The following TMEM38A variants were observed in gnomAD, a reference collection of about 807,000 sequenced individuals.
The protein encoded by TMEM38A is trimeric intracellular cation channel type A.
TMEM38A carries 17 observed loss-of-function variants against 28.6 expected under a neutral mutation model. The ratio of observed to expected loss-of-function variants is 0.60; its 90% CI spans 0.41 to 0.89. The LOEUF (loss-of-function observed/expected upper bound fraction) is 0.89, where lower values mean the gene tolerates loss of function less well. TMEM38A is among the 40% of genes least tolerant of loss of function. TMEM38A has a pLI of 0.00. For missense variants in TMEM38A, 328 were observed against 393.1 expected (o/e 0.83, Z 1.40); for synonymous variants, 169 against 166.1 (o/e 1.02, Z -0.14).
intron 1 of TMEM38A, among the ~76,000 whole-genome samples, chr19:16,676,225 G>A (rs973239021): frequency 3.0e-5 from 4 of 134,114 alleles, no homozygotes; most frequent in South Asian, 2.1e-4. Context: ...GCGTGCTGGC[G>A]GGTGCCTGTA....
chr19:16,666,427 T>A lies in TMEM38A; in HGVS notation c.124+5086T>A, dbSNP rs191647546. Among the ~76,000 whole-genome samples the A allele has an allele frequency of 2.1e-3, 318 of 151,930 alleles. 1 individual carries two copies. The highest frequency in any genetic ancestry group is 6.8e-3 in the Middle Eastern group (2 of 294). ...CCACTGCTCTTGGCCAATTTAACTT[T>A]AAAAAAATTTTTTTTTTTCGAGACA... On this transcript the variant is annotated intron_variant, in intron 1 of 5. Transcript: ENST00000187762.
chr19:16,676,086 C>T (rs549167704), intron 1 of TMEM38A, among the ~76,000 whole-genome samples: 1 of 149,572 alleles, frequency 6.7e-6, no homozygotes, highest in East Asian at 1.9e-4. Flanking sequence ...TTTGGCCGGG[C>T]GCGGTGGCTC....
intron 1 of TMEM38A, among the ~76,000 whole-genome samples, chr19:16,675,856 C>G (rs1383118490): frequency 6.6e-6 from 1 of 151,986 alleles, no homozygotes; most frequent in Non-Finnish European, 1.5e-5. Flanking sequence ...GGCTCTAACC[C>G]CGTTCGTGAG....
intron 1 of TMEM38A, among the ~76,000 whole-genome samples, chr19:16,672,692 C>T (rs2086733135): frequency 6.6e-6 from 1 of 152,026 alleles, no homozygotes. Context: ...TCAAGTGATC[C>T]ACCTGCCTTG....
At position 16,686,269 on chromosome 19, in the gene TMEM38A, T is replaced by C. The variant is rs1331163165; in HGVS notation, c.555-19T>C. The C allele has an allele frequency of 9.4e-6, 15 of 1,602,376 alleles. No individual in the cohort carries two copies. Among genetic ancestry groups the C allele is most frequent in the African/African-American group, 1.3e-5 (1 of 74,636 alleles). On this transcript the variant is annotated intron_variant, in intron 4 of 5. Coordinates refer to ENST00000187762, the MANE Select transcript of TMEM38A (RefSeq NM_024074.4). Reference sequence around the variant, plus strand: ...GAGCCATGCAGGCACCTCCCGGTAATGACAGCTGCTCCCTCCAGCCCCACC... The same window carrying C: ...GAGCCATGCAGGCACCTCCCGGTAACGACAGCTGCTCCCTCCAGCCCCACC...
chr19:16,673,352 G>A (rs1164204455), intron 1 of TMEM38A, among the ~76,000 whole-genome samples: 1 of 152,152 alleles, frequency 6.6e-6, no homozygotes, highest in Non-Finnish European at 1.5e-5. Flanking sequence ...AAAGTGCTGG[G>A]TGAGCCACTG....
At chr19:16,663,109 C>T (rs1279032287) in intron 1 of TMEM38A, among the ~76,000 whole-genome samples, 7 of 151,624 alleles carry the variant, frequency 4.6e-5, no homozygotes, top group South Asian at 2.1e-4. Flanking sequence ...GGAGAAACCC[C>T]GTCTCTACTG....
chr19:16,676,216 C>T (rs769690854), intron 1 of TMEM38A, among the ~76,000 whole-genome samples: 2 of 135,342 alleles, frequency 1.5e-5, no homozygotes, highest in African/African-American at 3.7e-5. Flanking sequence ...AAAAATTGGG[C>T]GTGCTGGCGG....
chr19:16,671,837 C>G (rs968707588), intron 1 of TMEM38A, among the ~76,000 whole-genome samples: 1 of 152,238 alleles, frequency 6.6e-6, no homozygotes, highest in African/African-American at 2.4e-5. Flanking sequence ...TCCCCAACCT[C>G]GGTCCCTGGG....
chr19:16,678,099 T>C (rs1473754503), intron 1 of TMEM38A, among the ~76,000 whole-genome samples: 1 of 152,148 alleles, frequency 6.6e-6, no homozygotes, highest in Non-Finnish European at 1.5e-5. Flanking sequence ...TTGGTGGTGA[T>C]TATGGCAAAA....
intron 1 of TMEM38A, among the ~76,000 whole-genome samples, chr19:16,671,223 T>TTTTTTTTTTTTTTTTTTTG (rs2086726256): frequency 8.2e-6 from 1 of 122,628 alleles, no homozygotes; most frequent in African/African-American, 3.4e-5. Flanking sequence ...TTTTTTTTTT[T>TTTTTTTTTTTTTTTTTTTG]GAGGCGGAGT....
At chr19:16,670,998 G>A (rs1327787748) in intron 1 of TMEM38A, among the ~76,000 whole-genome samples, 4 of 151,976 alleles carry the variant, frequency 2.6e-5, no homozygotes, top group African/African-American at 9.7e-5. Context: ...AGGCAAAGGG[G>A]GATAGTTGGT....
chr19:16,685,447 G>A (rs1258807203), intron 4 of TMEM38A, among the ~76,000 whole-genome samples: 1 of 152,156 alleles, frequency 6.6e-6, no homozygotes. Flanking sequence ...GGAAAGAAAA[G>A]GTGAAAATAT....
At chr19:16,674,389 C>CAA (rs535347473) in intron 1 of TMEM38A, among the ~76,000 whole-genome samples, 189 of 87,178 alleles carry the variant, frequency 2.2e-3, no homozygotes, top group African/African-American at 5.6e-3. Flanking sequence ...CTCTTGTCTC[C>CAA]AAAAAAAAAA....
At position 16,685,122 on chromosome 19, in the gene TMEM38A, C is replaced by T. The variant is rs144370524; in HGVS notation, c.555-1166C>T. On this transcript the variant is annotated intron_variant, in intron 4 of 5. Transcript: ENST00000187762. ...CAGGGGTTGGCTGGGCGTGGTAGCTCATGCCTGTAATCCCAGCACTTTGGG... is the reference window on the plus strand; with the variant it reads ...CAGGGGTTGGCTGGGCGTGGTAGCTTATGCCTGTAATCCCAGCACTTTGGG... 4.4e-3 allele frequency among the ~76,000 whole-genome samples: 666 copies of T among 151,728 alleles called. 3 individuals are homozygous for T. Among genetic ancestry groups the T allele is most frequent in the African/African-American group, 0.015 (602 of 41,224 alleles).
intron 1 of TMEM38A, among the ~76,000 whole-genome samples, chr19:16,668,715 A>G (rs1403345379): frequency 6.6e-6 from 1 of 151,942 alleles, no homozygotes; most frequent in African/African-American, 2.4e-5. Context: ...ATCATGCAGT[A>G]TGTACCCCTT....
intron 4 of TMEM38A, among the ~76,000 whole-genome samples, chr19:16,684,328 A>G (rs2086793195): frequency 6.6e-6 from 1 of 151,870 alleles, no homozygotes; most frequent in South Asian, 2.1e-4. Context: ...AAGAAAAAAA[A>G]AATTAGCCAG....
At position 16,688,256 on chromosome 19, in the gene TMEM38A, A is replaced by G. The variant is rs1413389080; in HGVS notation, c.785A>G (p.His262Arg). The change falls in exon 6 of 6, where the codon CAT becomes CGT. Residue 262 changes from histidine to arginine, a missense_variant. Coordinates refer to ENST00000187762, the MANE Select transcript of TMEM38A (RefSeq NM_024074.4). ...GGGGGTGACCATCACCACGACAACC[A>G]TGGTGGGTCCCACAGCGGTGGTGGG... is the stretch of plus-strand genomic sequence containing the variant. ...ACGGDHHHDNHGGSHSGGGPG... is the reference protein window; with the variant it reads ...ACGGDHHHDNRGGSHSGGGPG... The G allele has an allele frequency of 2.5e-6, 4 of 1,603,256 alleles. No homozygotes were observed. The highest frequency in any genetic ancestry group is 3.4e-6 in the Non-Finnish European group (4 of 1,174,708).
Position 16,661,353 on chromosome 19 carries a change from C to T in TMEM38A, c.124+12C>T, listed in dbSNP as rs1266347891. The T allele has an allele frequency of 2.0e-6, 3 of 1,514,566 alleles. No individual in the cohort carries two copies. Among genetic ancestry groups the T allele is most frequent in the East Asian group, 2.7e-5 (1 of 36,524 alleles). 93.8% of individuals were successfully genotyped at this position (1,514,566 alleles called of 1,614,324 possible). On this transcript the variant is annotated intron_variant, in intron 1 of 5. Coordinates refer to ENST00000187762, the MANE Select transcript of TMEM38A (RefSeq NM_024074.4). The surrounding 1 kb of genome is among the most constrained non-coding windows in gnomAD (Gnocchi z 6.5). ...CAAGTATGAGCCAGGTGAGCCGGGGCGGGGGGCTGGAGGGGACCGGCAGCG... is the reference window on the plus strand; with the variant it reads ...CAAGTATGAGCCAGGTGAGCCGGGGTGGGGGGCTGGAGGGGACCGGCAGCG...
Sources: allele counts gnomAD v4.1 joint callset (sites outside exome capture counted in the v4.1 genomes callset), GRCh38; gene constraint gnomAD v4.1.1; non-coding constraint Gnocchi (gnomAD v3.1); transcripts MANE v1.5; gene names NCBI Gene and HGNC (gene_info 2026-07-23, HGNC 2026-07-21).